The following LYPD6B variants were observed in gnomAD, a reference collection of about 807,000 sequenced individuals.
LYPD6B encodes ly6/PLAUR domain-containing protein 6B.
Under a neutral mutation model 22.8 loss-of-function variants are expected in LYPD6B, and 17 were observed. That is an observed-to-expected ratio of 0.75 (90% CI 0.51 to 1.12). The LOEUF is 1.12. Ranked by LOEUF, LYPD6B falls within the 50% of genes most tolerant of loss-of-function variation. The pLI is 0.00. For synonymous variants in LYPD6B, 106 were observed against 91.6 expected (o/e 1.16, Z -0.90); for missense variants, 221 against 258.3 (o/e 0.86, Z 0.99).
chr2:149,070,723 A>T (rs1037903746), intron 1 of LYPD6B, among the ~76,000 whole-genome samples: 1 of 152,196 alleles, frequency 6.6e-6, no homozygotes, highest in East Asian at 1.9e-4. Flanking sequence ...TTTGAGGTCA[A>T]TTTTGAGGTG....
At chr2:149,124,999 T>C (rs10803829) in intron 1 of LYPD6B, among the ~76,000 whole-genome samples, 79,992 of 151,972 alleles carry the variant, frequency 0.53, 21,392 homozygotes, top group East Asian at 0.86. Flanking sequence ...GGATGATCTT[T>C]CTGTGATTTA....
intron 3 of LYPD6B, among the ~76,000 whole-genome samples, chr2:149,200,326 T>G (rs908103150): frequency 2.0e-5 from 3 of 152,154 alleles, no homozygotes; most frequent in African/African-American, 4.8e-5. Flanking sequence ...CTTTGTTTAG[T>G]CTCTTCTTTT....
chr2:149,080,841 C>CAAAAAAAA (rs35803068), intron 1 of LYPD6B, among the ~76,000 whole-genome samples: 1 of 46,224 alleles, frequency 2.2e-5, no homozygotes, highest in African/African-American at 9.4e-5. Context: ...GACTCTATCT[C>CAAAAAAAA]AAAAAAAAAA....
chr2:149,039,398 G>C (rs1486099974), intron 1 of LYPD6B, among the ~76,000 whole-genome samples: 1 of 152,242 alleles, frequency 6.6e-6, no homozygotes, highest in African/African-American at 2.4e-5. Context: ...AGGGGGCTTG[G>C]GTTGTGAGGC....
chr2:149,114,094 C>T (rs921143396), intron 1 of LYPD6B, among the ~76,000 whole-genome samples: 1 of 152,114 alleles, frequency 6.6e-6, no homozygotes, highest in African/African-American at 2.4e-5. Flanking sequence ...AAGGACTTGA[C>T]CTGATACTAG....
chr2:149,183,667 G>A (rs1022893101), intron 3 of LYPD6B, among the ~76,000 whole-genome samples: 6 of 152,134 alleles, frequency 3.9e-5, no homozygotes, highest in Non-Finnish European at 8.8e-5. Context: ...AACGGCCACA[G>A]GTTTGCAGTT....
intron 1 of LYPD6B, among the ~76,000 whole-genome samples, chr2:149,108,109 CT>C (rs1333622307): frequency 6.6e-6 from 1 of 151,974 alleles, no homozygotes; most frequent in African/African-American, 2.4e-5. Context: ...GTGCTGTTCT[CT>C]TGATAGTAAG....
chr2:149,159,513 C>A (rs1474319660), intron 2 of LYPD6B, among the ~76,000 whole-genome samples: 1 of 151,228 alleles, frequency 6.6e-6, no homozygotes, highest in East Asian at 1.9e-4. Context: ...TGAACTCATT[C>A]TTTTTTGAAA....
intron 3 of LYPD6B, among the ~76,000 whole-genome samples, chr2:149,200,891 A>G (rs552325992): frequency 7.2e-5 from 11 of 152,334 alleles, no homozygotes; most frequent in African/African-American, 2.6e-4. Context: ...TGGAGCAAGT[A>G]TTAATGTATC....
intron 1 of LYPD6B, among the ~76,000 whole-genome samples, chr2:149,121,989 G>C (rs1687386233): frequency 6.6e-6 from 1 of 152,170 alleles, no homozygotes; most frequent in Admixed American, 6.5e-5. Flanking sequence ...GGGGCAAATG[G>C]AAAAACCCCA....
At chr2:149,142,250 C>T (rs1398325266) in intron 2 of LYPD6B, 2 of 152,182 alleles carry the variant, frequency 1.3e-5, no homozygotes, top group African/African-American at 2.4e-5. Flanking sequence ...GCAGACCCAT[C>T]GTGGGGAGAC....
chr2:149,052,479 AT>A (rs1372627036), intron 1 of LYPD6B, among the ~76,000 whole-genome samples: 2 of 152,246 alleles, frequency 1.3e-5, no homozygotes, highest in East Asian at 3.8e-4. Context: ...AGAAGCAGCC[AT>A]TTTATCACTC....
intron 1 of LYPD6B, among the ~76,000 whole-genome samples, chr2:149,056,807 C>T (rs1346858541): frequency 6.6e-6 from 1 of 152,168 alleles, no homozygotes; most frequent in Non-Finnish European, 1.5e-5. Flanking sequence ...TGCTTCTCCT[C>T]ACCTGCGAAG....
At chr2:149,102,421 C>T (rs1286497993) in intron 1 of LYPD6B, among the ~76,000 whole-genome samples, 1 of 152,102 alleles carries the variant, frequency 6.6e-6, no homozygotes, top group Non-Finnish European at 1.5e-5. Context: ...AACATTTGTA[C>T]TGTTGTTGGA....
chr2:149,085,902 C>T (rs1685366842), intron 1 of LYPD6B, among the ~76,000 whole-genome samples: 1 of 152,092 alleles, frequency 6.6e-6, no homozygotes, highest in South Asian at 2.1e-4. Context: ...GGAAGGCGCC[C>T]TTTGCTCAGA....
At chr2:149,117,862 G>T (rs1687081580) in intron 1 of LYPD6B, among the ~76,000 whole-genome samples, 1 of 152,156 alleles carries the variant, frequency 6.6e-6, no homozygotes, top group African/African-American at 2.4e-5. Context: ...CTGAATTCAG[G>T]AATTCAGAAG....
intron 2 of LYPD6B, among the ~76,000 whole-genome samples, chr2:149,141,277 G>A (rs542006193): frequency 6.6e-6 from 1 of 152,326 alleles, no homozygotes; most frequent in South Asian, 2.1e-4. Context: ...AACCATGCGT[G>A]CAAAGTCCTG....
At chr2:149,147,410 T>A (rs931916874) in intron 2 of LYPD6B, among the ~76,000 whole-genome samples, 8 of 152,258 alleles carry the variant, frequency 5.3e-5, no homozygotes, top group Non-Finnish European at 1.0e-4. Flanking sequence ...TTTAAATTAA[T>A]TCTTATCTGA....
At chr2:149,101,508 A>G (rs1006238904) in intron 1 of LYPD6B, 3 of 152,276 alleles carry the variant, frequency 2.0e-5, no homozygotes, top group Non-Finnish European at 4.4e-5. Flanking sequence ...AGTTGTGTCT[A>G]TTGATCACTG....
Sources: gnomAD v4.1 joint callset for allele counts (sites outside exome capture counted in the v4.1 genomes callset) on GRCh38, gnomAD v4.1.1 for gene constraint, MANE v1.5 for transcripts, NCBI Gene and HGNC (gene_info 2026-07-23, HGNC 2026-07-21) for gene names.